The following PLEKHG4B variants were observed in gnomAD, a reference collection of about 807,000 sequenced individuals.
PLEKHG4B encodes pleckstrin homology domain-containing family G member 4B.
Under a neutral mutation model 121.3 loss-of-function variants are expected in PLEKHG4B, and 111 were observed. That is an observed-to-expected ratio of 0.92 (90% CI 0.78 to 1.07). The LOEUF (loss-of-function observed/expected upper bound fraction) is 1.07, where lower values mean the gene tolerates loss of function less well. Ranked by LOEUF, PLEKHG4B falls within the 50% of genes least tolerant of loss-of-function variation. The pLI is 0.00. For synonymous variants in PLEKHG4B, 738 were observed against 725.0 expected, an observed-to-expected ratio of 1.02 and a Z score of -0.29; for missense variants, 1,831 against 1,757.8, an observed-to-expected ratio of 1.04 and a Z score of -0.74.
At chr5:163,646 G>A in intron 13 of PLEKHG4B, 98 bp downstream of exon 13, 2 of 1,068,902 alleles carry the variant, frequency 1.9e-6, no homozygotes, top group Non-Finnish European at 2.6e-6. Context: ...AAAGTAGAAA[G>A]TAAATCCGCA....
intron 6 of PLEKHG4B, among the ~76,000 whole-genome samples, chr5:148,600 A>G (rs1010849461): frequency 6.6e-6 from 1 of 152,172 alleles, no homozygotes; most frequent in Non-Finnish European, 1.5e-5. Flanking sequence ...AAGATATCTC[A>G]TGTTCAAGGA....
Position 143,384 on chromosome 5 carries a change from C to G in PLEKHG4B, c.1692C>G (p.Thr564=). Residue 564 remains threonine, a synonymous_variant, in exon 5 of 20, where the codon ACC becomes ACG. Transcript: ENST00000637938. ...LQSGVVTLPG[T]RDRHGRAVVQ... Reference sequence around the variant, plus strand: ...GCCCTGTCTCTGTCTCCGCAGGGACCCGAGACCGTCATGGCAGAGCAGTGG... The same window carrying G: ...GCCCTGTCTCTGTCTCCGCAGGGACGCGAGACCGTCATGGCAGAGCAGTGG... 6.2e-7 allele frequency: 1 copy of G among 1,612,360 alleles called. No homozygotes were observed. Among genetic ancestry groups the G allele is most frequent in the African/African-American group, 1.3e-5 (1 of 75,040 alleles).
At chr5:114,046 G>T (rs1734234684) in intron 2 of PLEKHG4B, among the ~76,000 whole-genome samples, 1 of 152,180 alleles carries the variant, frequency 6.6e-6, no homozygotes, top group Non-Finnish European at 1.5e-5. Flanking sequence ...AGTAGCATTA[G>T]GTCTAAAAAC....
At chr5:141,269 T>C (rs943270301) in intron 3 of PLEKHG4B, among the ~76,000 whole-genome samples, 4 of 62,618 alleles carry the variant, frequency 6.4e-5, no homozygotes, top group African/African-American at 2.8e-4. Context: ...TGTCACAGTT[T>C]TGTTTGGTCA....
intron 1 of PLEKHG4B, among the ~76,000 whole-genome samples, chr5:110,930 C>T (rs1293343997): frequency 1.3e-5 from 2 of 152,270 alleles, no homozygotes; most frequent in African/African-American, 4.8e-5. Context: ...AGCTGGTGGA[C>T]CTGTGCTTGC....
intron 2 of PLEKHG4B, among the ~76,000 whole-genome samples, chr5:126,692 G>A (rs183254881): frequency 8.5e-5 from 13 of 152,132 alleles, no homozygotes; most frequent in Non-Finnish European, 1.5e-5. Flanking sequence ...AAGCGGCACT[G>A]TTTTCTGGGG....
intron 18 of PLEKHG4B, among the ~76,000 whole-genome samples, chr5:180,991 G>A (rs561802489): frequency 2.2e-4 from 34 of 152,308 alleles, no homozygotes; most frequent in African/African-American, 7.9e-4. Flanking sequence ...CTACATACAT[G>A]CAATTATGTT....
At chr5:127,674 C>G (rs1347986336) in intron 2 of PLEKHG4B, among the ~76,000 whole-genome samples, 1 of 152,084 alleles carries the variant, frequency 6.6e-6, no homozygotes, top group East Asian at 1.9e-4. Flanking sequence ...ACTTGCACCT[C>G]TTTGTCTGCA....
chr5:155,188 G>C (rs980285771), intron 8 of PLEKHG4B, among the ~76,000 whole-genome samples, 157 bp from the exon 9 acceptor site: 8 of 152,218 alleles, frequency 5.3e-5, no homozygotes, highest in Admixed American at 4.6e-4. Flanking sequence ...GAAGGGCACT[G>C]CCGCCCCGGA....
intron 16 of PLEKHG4B, among the ~76,000 whole-genome samples, chr5:172,375 T>C (rs1051858804): frequency 2.0e-5 from 3 of 152,206 alleles, no homozygotes; most frequent in African/African-American, 7.2e-5. Context: ...TGGGGGCTGC[T>C]GTCTCCTCTG....
intron 7 of PLEKHG4B, among the ~76,000 whole-genome samples, chr5:152,910 T>C (rs867296698): frequency 1.3e-5 from 2 of 152,248 alleles, no homozygotes; most frequent in African/African-American, 2.4e-5. Flanking sequence ...GCCTGTACCA[T>C]GTAAGATGTG....
At chr5:103,649 AC>A (rs1733888545) in intron 1 of PLEKHG4B, among the ~76,000 whole-genome samples, 1 of 152,230 alleles carries the variant, frequency 6.6e-6, no homozygotes, top group Non-Finnish European at 1.5e-5. Flanking sequence ...ATACATCTAT[AC>A]AAAGTGCTGT....
intron 2 of PLEKHG4B, among the ~76,000 whole-genome samples, chr5:118,961 C>T (rs1466750989): frequency 1.3e-5 from 2 of 152,068 alleles, no homozygotes; most frequent in African/African-American, 4.8e-5. Context: ...AGCGATCCTC[C>T]CACCTCAGCT....
intron 6 of PLEKHG4B, among the ~76,000 whole-genome samples, chr5:146,685 C>T (rs1353709166): frequency 7.5e-6 from 1 of 132,678 alleles, no homozygotes; most frequent in Admixed American, 7.4e-5. Flanking sequence ...CTCTCCTCCC[C>T]CACAGTCCTC....
At chr5:118,049 A>G (rs766031244) in intron 2 of PLEKHG4B, among the ~76,000 whole-genome samples, 14 of 152,204 alleles carry the variant, frequency 9.2e-5, no homozygotes, top group Non-Finnish European at 1.3e-4. Context: ...ACACGAGTCT[A>G]AAAAATAATA....
rs577162552 is a variant in PLEKHG4B at position 137,932 on chromosome 5, G to T, written c.244-1551G>T. Among the ~76,000 whole-genome samples, 2 of 152,232 alleles carry T rather than the reference G, an allele frequency of 1.3e-5. No homozygotes were observed. The highest frequency in any genetic ancestry group is 4.8e-5 in the African/African-American group (2 of 41,466). On this transcript the variant is annotated intron_variant, in intron 2 of 19. Transcript: ENST00000637938. The surrounding 1 kb of genome is among the most constrained non-coding windows in gnomAD (Gnocchi z 4.2). The stretch of plus-strand genomic sequence containing the variant: ...AGCCCAGGACACAGCTCCTCAGGCC[G>T]CCTCGCAGCGTCTGGGGAGGGTGTC...
At chr5:95,442 C>T (rs746954419) in intron 1 of PLEKHG4B, among the ~76,000 whole-genome samples, 4 of 152,156 alleles carry the variant, frequency 2.6e-5, no homozygotes, top group Non-Finnish European at 5.9e-5. Flanking sequence ...TGGGGAGGGT[C>T]TGCATACGAT....
In PLEKHG4B at chr5:162,954, C is replaced by A; in HGVS notation, c.2882C>A (p.Ala961Asp). ...CGTCTGGAAGAGGCCCTTTCTGAGG[C>A]TGCCCCAGACCCCAGCTTACCGCCC... ...RLRLEEALSE[A>D]APDPSLPPLA... The change falls in exon 13 of 20, where the codon GCT becomes GAT. Residue 961 changes from alanine (A) to aspartate (D), a missense_variant. Coordinates refer to ENST00000637938, the MANE Select transcript of PLEKHG4B (RefSeq NM_052909.5). 1 of 1,558,168 alleles carries A rather than the reference C, an allele frequency of 6.4e-7. No individual in the cohort carries two copies.
At chr5:150,830 G>GCCAGAAATCCCACTCCTAGATATTTATC (rs1735582107) in intron 6 of PLEKHG4B, among the ~76,000 whole-genome samples, 1 of 152,156 alleles carries the variant, frequency 6.6e-6, no homozygotes, top group Admixed American at 6.5e-5. Context: ...TATCACATGA[G>GCCAGAAATCCCACTCCTAGATATTTATC]CCAGAAATCC....
Sources: gnomAD v4.1 joint callset for allele counts (sites outside exome capture counted in the v4.1 genomes callset) on GRCh38, gnomAD v4.1.1 for gene constraint, Gnocchi (gnomAD v3.1) non-coding constraint, MANE v1.5 for transcripts, NCBI Gene and HGNC (gene_info 2026-07-23, HGNC 2026-07-21) for gene names.